Variants in TBL1Y observed in about 807,000 individuals in gnomAD.
TBL1Y encodes transducin beta like 1 Y-linked.
Under a neutral mutation model 12.0 loss-of-function variants are expected in TBL1Y, and 15 were observed. The ratio of observed to expected loss-of-function variants is 1.25; its 90% CI spans 0.83 to 1.92. The LOEUF (loss-of-function observed/expected upper bound fraction) is 1.92. Among genes scored for constraint, TBL1Y ranks in the 40% most tolerant of loss-of-function variants. TBL1Y has a pLI of 0.00. For synonymous variants in TBL1Y, 53 were observed against 42.6 expected, an observed-to-expected ratio of 1.24 and a Z score of -0.95; for missense variants, 148 against 116.7, an observed-to-expected ratio of 1.27 and a Z score of -1.24.
intron 6 of TBL1Y, 21 bp downstream of exon 6, chrY:7,025,163 T>C: frequency 5.1e-6 from 2 of 389,155 alleles, no homozygotes; most frequent in Non-Finnish European, 7.3e-6. Context: ...TGGTTTTCTG[T>C]TGGGAGGAAA....
chrY:6,934,879 T>A, intron 2 of TBL1Y, among the ~76,000 whole-genome samples: 6 of 32,399 alleles, frequency 1.9e-4, no homozygotes, highest in Non-Finnish European at 3.8e-4. Context: ...TATATCAAGA[T>A]CTTGCTTTGT....
chrY:6,926,082 C>A, intron 2 of TBL1Y, among the ~76,000 whole-genome samples: 1 of 33,833 alleles, frequency 3.0e-5, no homozygotes, highest in Non-Finnish European at 7.3e-5. Flanking sequence ...AGTTTTATGC[C>A]CTCTGGCAGG....
At chrY:7,065,285 G>A (rs1603048302) in intron 8 of TBL1Y, among the ~76,000 whole-genome samples, 4 of 32,955 alleles carry the variant, frequency 1.2e-4, no homozygotes, top group Admixed American at 8.2e-4. Flanking sequence ...GAGATCTTAC[G>A]GTTTTATAAA....
chrY:7,021,996 G>A, intron 5 of TBL1Y, among the ~76,000 whole-genome samples: 1 of 33,040 alleles, frequency 3.0e-5, no homozygotes, highest in Middle Eastern at 0.014. Context: ...CTAGTTAACC[G>A]TGAAACTTAT....
intron 2 of TBL1Y, among the ~76,000 whole-genome samples, chrY:6,921,246 T>A: frequency 3.1e-5 from 1 of 32,549 alleles, no homozygotes; most frequent in Admixed American, 2.8e-4. Context: ...AACAGTAGTC[T>A]CCAGATGTTC....
chrY:6,958,661 T>C, intron 2 of TBL1Y, among the ~76,000 whole-genome samples: 9 of 32,886 alleles, frequency 2.7e-4, no homozygotes, highest in East Asian at 8.1e-4. Context: ...GCAACAAACA[T>C]GTGAGCAATA....
At chrY:6,945,665 G>A (rs2011980273) in intron 2 of TBL1Y, among the ~76,000 whole-genome samples, 2 of 33,401 alleles carry the variant, frequency 6.0e-5, no homozygotes, top group Admixed American at 2.7e-4. Context: ...GCCTTGGAGC[G>A]AATCAGCAAG....
At chrY:6,959,070 A>T (rs1361719194) in intron 2 of TBL1Y, among the ~76,000 whole-genome samples, 2 of 33,860 alleles carry the variant, frequency 5.9e-5, no homozygotes, top group Admixed American at 2.7e-4. Context: ...GACAATACCC[A>T]GCTTTCAAGG....
At chrY:7,008,625 G>A in intron 4 of TBL1Y, among the ~76,000 whole-genome samples, 1 of 33,071 alleles carries the variant, frequency 3.0e-5, no homozygotes, top group African/African-American at 1.2e-4. Context: ...TTGACTATTG[G>A]AAATTTTTTT....
At chrY:6,988,949 C>G in intron 3 of TBL1Y, among the ~76,000 whole-genome samples, 11 of 32,589 alleles carry the variant, frequency 3.4e-4, no homozygotes, top group Admixed American at 3.1e-3. Context: ...GTGAATGTTA[C>G]TTAATTTGCA....
At chrY:7,066,673 G>T (rs2012987439) in intron 8 of TBL1Y, among the ~76,000 whole-genome samples, 7 of 24,814 alleles carry the variant, frequency 2.8e-4, no homozygotes, top group Admixed American at 7.4e-4. Context: ...GCTAAGAACT[G>T]TTTTTTTTTT....
At chrY:7,045,247 C>T in intron 7 of TBL1Y, among the ~76,000 whole-genome samples, 1 of 33,130 alleles carries the variant, frequency 3.0e-5, no homozygotes, top group Non-Finnish European at 7.4e-5. Flanking sequence ...ACTCCACAGT[C>T]GGGGAGCCCA....
intron 7 of TBL1Y, among the ~76,000 whole-genome samples, chrY:7,062,933 C>G (rs544760695): frequency 8.8e-5 from 3 of 34,097 alleles, no homozygotes; most frequent in Non-Finnish European, 2.2e-4. Context: ...TTTACCAGCT[C>G]CCCTGGCTTT....
chrY:6,980,269 C>A, intron 3 of TBL1Y, among the ~76,000 whole-genome samples: 1 of 33,901 alleles, frequency 2.9e-5, no homozygotes, highest in Non-Finnish European at 7.3e-5. Flanking sequence ...TATCTAGGTT[C>A]TTGGCACTAG....
chrY:7,060,284 G>GCTTTAAA (rs2012852775), intron 7 of TBL1Y, among the ~76,000 whole-genome samples: 1 of 32,612 alleles, frequency 3.1e-5, no homozygotes, highest in African/African-American at 1.2e-4. Flanking sequence ...CCACGTTTAG[G>GCTTTAAA]AGTCCTATTT....
intron 2 of TBL1Y, among the ~76,000 whole-genome samples, chrY:6,954,392 C>G (rs771725870): frequency 8.1e-3 from 277 of 34,153 alleles, no homozygotes; most frequent in African/African-American, 0.029. Context: ...CCTCCCCCAG[C>G]CTTGCAGCCA....
chrY:6,937,620 G>A, intron 2 of TBL1Y, among the ~76,000 whole-genome samples: 1 of 33,177 alleles, frequency 3.0e-5, no homozygotes, highest in African/African-American at 1.2e-4. Flanking sequence ...AAGGAAGGCA[G>A]GATGATATTC....
At chrY:7,028,189 G>C in intron 6 of TBL1Y, among the ~76,000 whole-genome samples, 1 of 33,856 alleles carries the variant, frequency 3.0e-5, no homozygotes, top group African/African-American at 1.2e-4. Flanking sequence ...TCTGAGCCCT[G>C]GACCCAGCAG....
intron 12 of TBL1Y, among the ~76,000 whole-genome samples, chrY:7,073,557 C>T (rs752443604): frequency 3.0e-5 from 1 of 33,075 alleles, no homozygotes; most frequent in Non-Finnish European, 7.4e-5. Flanking sequence ...TGTTAGATGG[C>T]TTTGACATGG....
Sources: gnomAD v4.1 joint callset for allele counts (sites outside exome capture counted in the v4.1 genomes callset) on GRCh38, gnomAD v4.1.1 for gene constraint, MANE v1.5 for transcripts, NCBI Gene and HGNC (gene_info 2026-07-23, HGNC 2026-07-21) for gene names.